The following PCDH9 variants were observed in gnomAD, a reference collection of about 807,000 sequenced individuals.
PCDH9 encodes the protein protocadherin 9.
PCDH9 carries 24 observed loss-of-function variants against 70.6 expected under a neutral mutation model. The observed-to-expected ratio is 0.34, with a 90% confidence interval of 0.25 to 0.48. PCDH9 has a LOEUF of 0.48. PCDH9 is among the 20% of genes least tolerant of loss of function. The pLI is 0.99. For synonymous variants in PCDH9, 562 were observed against 558.5 expected, an observed-to-expected ratio of 1.01 and a Z score of -0.09; for missense variants, 1,281 against 1,503.6, an observed-to-expected ratio of 0.85 and a Z score of 2.45.
intron 2 of PCDH9, among the ~76,000 whole-genome samples, chr13:67,087,735 T>C (rs1354232131): frequency 6.6e-6 from 1 of 152,088 alleles, no homozygotes; most frequent in Non-Finnish European, 1.5e-5. Flanking sequence ...ATAAGCATTA[T>C]AGACATTTTC....
At chr13:66,461,796 C>T (rs1958429969) in intron 4 of PCDH9, among the ~76,000 whole-genome samples, 1 of 151,648 alleles carries the variant, frequency 6.6e-6, no homozygotes, top group South Asian at 2.1e-4. Flanking sequence ...CCAGGTAAAT[C>T]GTGAAGAAAA....
chr13:66,927,567 G>C (rs535843072), intron 2 of PCDH9, among the ~76,000 whole-genome samples: 1 of 152,098 alleles, frequency 6.6e-6, no homozygotes, highest in East Asian at 1.9e-4. Flanking sequence ...CAAAAACAAA[G>C]AAAACCCTAA....
chr13:66,889,478 C>T (rs569471370), intron 3 of PCDH9, among the ~76,000 whole-genome samples: 2 of 152,196 alleles, frequency 1.3e-5, no homozygotes, highest in South Asian at 4.1e-4. Flanking sequence ...GATTCTTATG[C>T]CTATGGGTGC....
chr13:66,949,024 CTT>C (rs1270830574), intron 2 of PCDH9, among the ~76,000 whole-genome samples: 3 of 151,942 alleles, frequency 2.0e-5, no homozygotes, highest in Non-Finnish European at 2.9e-5. Flanking sequence ...AAAAACTTCT[CTT>C]AATCTTTTCA....
chr13:66,351,882 A>G (rs1260995950), intron 4 of PCDH9, among the ~76,000 whole-genome samples: 1 of 149,580 alleles, frequency 6.7e-6, no homozygotes, highest in Non-Finnish European at 1.5e-5. Context: ...TCTTATTGCC[A>G]AGGCTAGAGT....
In PCDH9 at chr13:66,867,019, T is replaced by TC. The variant is rs528278858; in HGVS notation, c.3138+36484_3138+36485insG. On this transcript the variant is annotated intron_variant, in intron 3 of 4. Coordinates refer to ENST00000377865, the MANE Select transcript of PCDH9 (RefSeq NM_203487.3). The stretch of plus-strand genomic sequence containing the variant: ...TAATGACCAAATCAGTTTCTTTCTT[T>TC]TTTTTTTTTTTTGGCATTTAACAAT... 3.6e-3 allele frequency among the ~76,000 whole-genome samples: 551 copies of TC among 151,020 alleles called. 5 individuals are homozygous for TC. Among genetic ancestry groups the TC allele is most frequent in the African/African-American group, 0.013 (527 of 41,358 alleles).
chr13:67,152,343 G>T (rs546812690), intron 2 of PCDH9, among the ~76,000 whole-genome samples: 1 of 152,250 alleles, frequency 6.6e-6, no homozygotes, highest in East Asian at 1.9e-4. Flanking sequence ...AGGCCTCTCT[G>T]TACAGCTCAG....
intron 3 of PCDH9, among the ~76,000 whole-genome samples, chr13:66,689,310 C>A (rs897412262): frequency 4.6e-5 from 7 of 152,130 alleles, no homozygotes; most frequent in African/African-American, 1.4e-4. Context: ...CCATTCACCT[C>A]CTTTAATGTG....
intron 3 of PCDH9, among the ~76,000 whole-genome samples, chr13:66,735,950 T>C (rs950156735): frequency 2.0e-5 from 3 of 151,322 alleles, no homozygotes; most frequent in Admixed American, 6.6e-5. Context: ...GATGACAGAG[T>C]GAGATTCTGT....
Position 66,923,089 on chromosome 13 carries a change from T to C in PCDH9, c.3037-19484A>G, listed in dbSNP as rs540017948. Among the ~76,000 whole-genome samples, 35 of 151,592 alleles carry C rather than the reference T, an allele frequency of 2.3e-4. No homozygotes were observed. In the South Asian group the frequency reaches 5.8e-3, roughly 25 times the overall value. ...TAGCATGATTCAGATAACTAAAAAC[T>C]ATGTATAATTTGATAAAAACTAAAT... is the stretch of plus-strand genomic sequence containing the variant. On this transcript the variant is annotated intron_variant, in intron 2 of 4. Coordinates refer to ENST00000377865, the MANE Select transcript of PCDH9 (RefSeq NM_203487.3).
chr13:66,513,824 G>T (rs1959603275), intron 4 of PCDH9, among the ~76,000 whole-genome samples: 1 of 150,672 alleles, frequency 6.6e-6, no homozygotes, highest in Non-Finnish European at 1.5e-5. Context: ...TAACAGTTTG[G>T]CAATGAGGTA....
chr13:66,923,944 TA>T (rs1420887168), intron 2 of PCDH9, among the ~76,000 whole-genome samples: 1 of 151,770 alleles, frequency 6.6e-6, no homozygotes, highest in East Asian at 1.9e-4. Flanking sequence ...CTTTTATGTT[TA>T]AAAACCGTTT....
intron 4 of PCDH9, among the ~76,000 whole-genome samples, chr13:66,494,863 C>A (rs1959088668): frequency 6.6e-6 from 1 of 151,990 alleles, no homozygotes; most frequent in African/African-American, 2.4e-5. Context: ...TTTTTGGTCT[C>A]TGAATTGAAA....
intron 4 of PCDH9, among the ~76,000 whole-genome samples, chr13:66,407,934 AT>A (rs1164503360): frequency 6.6e-6 from 1 of 152,222 alleles, no homozygotes; most frequent in African/African-American, 2.4e-5. Flanking sequence ...GTTAAAGAAT[AT>A]AAGTCAGGTT....
Position 66,493,864 on chromosome 13 carries a change from C to T in PCDH9, c.3340+137346G>A, listed in dbSNP as rs117563256. On this transcript the variant is annotated intron_variant, in intron 4 of 4. Coordinates refer to ENST00000377865, the MANE Select transcript of PCDH9 (RefSeq NM_203487.3). ...TCAATGCTCAAGGCCTATGATGCCA[C>T]ATATATATTTAATAATGACTGCAAT... Among the ~76,000 whole-genome samples, 708 of 152,048 alleles carry T rather than the reference C, an allele frequency of 4.7e-3. 30 individuals are homozygous for T. The East Asian group carries it at 0.091, about 20-fold the overall frequency.
At chr13:66,475,159 C>T (rs1395172356) in intron 4 of PCDH9, among the ~76,000 whole-genome samples, 1 of 152,026 alleles carries the variant, frequency 6.6e-6, no homozygotes, top group Non-Finnish European at 1.5e-5. Flanking sequence ...GCTATATGCT[C>T]ACAGCACAGA....
chr13:66,409,950 C>T (rs1032702843), intron 4 of PCDH9, among the ~76,000 whole-genome samples: 1 of 152,174 alleles, frequency 6.6e-6, no homozygotes, highest in Non-Finnish European at 1.5e-5. Context: ...CCAGTAGTCA[C>T]CTAACAGCAG....
At chr13:66,916,165 T>C (rs943912003) in intron 2 of PCDH9, among the ~76,000 whole-genome samples, 12 of 151,680 alleles carry the variant, frequency 7.9e-5, no homozygotes, top group Admixed American at 6.6e-5. Context: ...TTTAAGATAA[T>C]TGAAGCAAAG....
intron 2 of PCDH9, among the ~76,000 whole-genome samples, chr13:67,197,383 A>T (rs1489977608): frequency 2.6e-5 from 4 of 151,908 alleles, no homozygotes; most frequent in African/African-American, 7.2e-5. Context: ...AAGTTCATTT[A>T]AAAAAAATAG....
Sources: gnomAD v4.1 joint callset for allele counts (sites outside exome capture counted in the v4.1 genomes callset) on GRCh38, gnomAD v4.1.1 for gene constraint, MANE v1.5 for transcripts, NCBI Gene and HGNC (gene_info 2026-07-23, HGNC 2026-07-21) for gene names.